Variants in NDUFS4 observed in about 807,000 individuals in gnomAD.
NDUFS4 encodes the protein NADH dehydrogenase [ubiquinone] iron-sulfur protein 4, mitochondrial.
In NDUFS4, 28 loss-of-function variants were observed where a neutral mutation model predicts 24.3. The ratio of observed to expected loss-of-function variants is 1.15; its 90% CI spans 0.85 to 1.58. The LOEUF (loss-of-function observed/expected upper bound fraction) is 1.58, where lower values mean the gene tolerates loss of function less well. NDUFS4 is among the 40% of genes most tolerant of loss of function. The probability of loss-of-function intolerance (pLI) is 0.00; values close to 1 mark genes in which losing one functional copy is unlikely to be tolerated. For synonymous variants in NDUFS4, 93 were observed against 69.7 expected, an observed-to-expected ratio of 1.34 and a Z score of -1.67; for missense variants, 223 against 207.9, an observed-to-expected ratio of 1.07 and a Z score of -0.45.
At chr5:53,568,557 A>G (rs958775633) in intron 1 of NDUFS4, among the ~76,000 whole-genome samples, 1 of 152,114 alleles carries the variant, frequency 6.6e-6, no homozygotes, top group African/African-American at 2.4e-5. Context: ...TTCTTGGGGA[A>G]AGTTTCCTTA....
chr5:53,640,523 A>G (rs1579908752), intron 2 of NDUFS4, among the ~76,000 whole-genome samples: 2 of 152,140 alleles, frequency 1.3e-5, no homozygotes, highest in East Asian at 3.9e-4. Context: ...CAGAAGGTGA[A>G]GGTGAACCGA....
At chr5:53,683,082 T>G (rs1444945924) in intron 4 of NDUFS4, 36 bp from the exon 5 acceptor site, 1 of 1,365,450 alleles carries the variant, frequency 7.3e-7, no homozygotes, top group Admixed American at 1.7e-5. Flanking sequence ...TCTTTAATTC[T>G]GTTTCTGTGG....
intron 4 of NDUFS4, among the ~76,000 whole-genome samples, chr5:53,671,002 A>G (rs1211055091): frequency 1.3e-5 from 2 of 151,720 alleles, no homozygotes; most frequent in African/African-American, 4.8e-5. Context: ...GAGAGATAAT[A>G]TATATACTCC....
rs746701465 is a variant in NDUFS4 at position 53,603,450 on chromosome 5, A to G, written c.99-2A>G. On this transcript the variant is annotated splice_acceptor_variant, in intron 1 of 4. Transcript: ENST00000296684. LOFTEE classifies it high-confidence loss of function. ...TTTTTAACTTAAAGTCTTGCACTGC[A>G]GGTCGTTGAGGACTTCCACATGGAG... The G allele has an allele frequency of 6.2e-7, 1 of 1,611,844 alleles. No homozygotes were observed. Among genetic ancestry groups the G allele is most frequent in the South Asian group, 1.1e-5 (1 of 91,034 alleles).
At chr5:53,640,753 A>G (rs1751685926) in intron 2 of NDUFS4, among the ~76,000 whole-genome samples, 1 of 152,120 alleles carries the variant, frequency 6.6e-6, no homozygotes, top group African/African-American at 2.4e-5. Context: ...TCAAATTTTA[A>G]CATGAAATTT....
chr5:53,584,847 A>G (rs942253143), intron 1 of NDUFS4, among the ~76,000 whole-genome samples: 3 of 151,822 alleles, frequency 2.0e-5, no homozygotes, highest in African/African-American at 7.3e-5. Flanking sequence ...AGCTCACTGC[A>G]TCCTCTGCCT....
intron 4 of NDUFS4, among the ~76,000 whole-genome samples, chr5:53,672,502 G>C (rs2111578450): frequency 6.6e-6 from 1 of 152,212 alleles, no homozygotes; most frequent in Middle Eastern, 3.4e-3. Flanking sequence ...AACCTAAAAA[G>C]AGTTGCCAAG....
At chr5:53,647,836 T>A (rs1175765233) in intron 3 of NDUFS4, among the ~76,000 whole-genome samples, 1 of 152,212 alleles carries the variant, frequency 6.6e-6, no homozygotes, top group Non-Finnish European at 1.5e-5. Flanking sequence ...AGACTTTTTT[T>A]AGAAAACATC....
intron 2 of NDUFS4, among the ~76,000 whole-genome samples, chr5:53,614,932 A>G (rs2112470851): frequency 6.6e-6 from 1 of 152,040 alleles, no homozygotes; most frequent in African/African-American, 2.4e-5. Flanking sequence ...TATATCTGAA[A>G]ATACATTATT....
chr5:53,596,392 C>T (rs1455234096), intron 1 of NDUFS4, among the ~76,000 whole-genome samples: 1 of 152,132 alleles, frequency 6.6e-6, no homozygotes, highest in Non-Finnish European at 1.5e-5. Context: ...ATGATTGTGC[C>T]ACTGTACTCC....
intron 1 of NDUFS4, among the ~76,000 whole-genome samples, chr5:53,562,292 C>T (rs1017088023): frequency 6.6e-6 from 1 of 151,960 alleles, no homozygotes; most frequent in Non-Finnish European, 1.5e-5. Flanking sequence ...CAAGATTAGC[C>T]CTTCCTCCCG....
At chr5:53,561,127 A>G (rs1748829437) in intron 1 of NDUFS4, among the ~76,000 whole-genome samples, 1 of 151,564 alleles carries the variant, frequency 6.6e-6, no homozygotes, top group Non-Finnish European at 1.5e-5. Context: ...TCCATTTGTC[A>G]CCTGTTTGCC....
rs1235979489 is a variant in NDUFS4 at position 53,560,649 on chromosome 5, T to G, written c.-14T>G. The G allele has an allele frequency of 6.2e-7, 1 of 1,614,264 alleles. No homozygotes were observed. The highest frequency in any genetic ancestry group is 2.2e-5 in the East Asian group (1 of 44,884). On this transcript the variant is annotated 5_prime_UTR_variant, in exon 1 of 5. Coordinates refer to ENST00000296684, the MANE Select transcript of NDUFS4 (RefSeq NM_002495.4). ...GTGATCCGTCCTTTCATCCTGGCGT[T>G]TGCCTGCAGCAAGATGGCGGCGGTG...
chr5:53,643,891 C>G (rs1751770530), intron 2 of NDUFS4, among the ~76,000 whole-genome samples: 1 of 152,066 alleles, frequency 6.6e-6, no homozygotes, highest in Admixed American at 6.6e-5. Flanking sequence ...CCCACTTGTT[C>G]AAATGCCAAC....
chr5:53,639,165 T>G (rs1451650402), intron 2 of NDUFS4, among the ~76,000 whole-genome samples: 1 of 151,980 alleles, frequency 6.6e-6, no homozygotes, highest in Non-Finnish European at 1.5e-5. Flanking sequence ...ATTGCATTTT[T>G]TTTGTATAAA....
At chr5:53,623,217 C>G (rs1308796810) in intron 2 of NDUFS4, among the ~76,000 whole-genome samples, 1 of 152,176 alleles carries the variant, frequency 6.6e-6, no homozygotes, top group Non-Finnish European at 1.5e-5. Context: ...TTGGCTGCAC[C>G]ATTTTACATT....
chr5:53,647,289 T>A, intron 3 of NDUFS4, among the ~76,000 whole-genome samples: 1 of 152,244 alleles, frequency 6.6e-6, no homozygotes, highest in East Asian at 1.9e-4. Flanking sequence ...CCTAGCTCAC[T>A]GCAGCCCTGA....
chr5:53,568,190 C>A (rs767545896), intron 1 of NDUFS4, among the ~76,000 whole-genome samples: 1 of 152,088 alleles, frequency 6.6e-6, no homozygotes, highest in South Asian at 2.1e-4. Context: ...TGTCTGTACT[C>A]ACTAGACTTA....
rs190009495 is a variant in NDUFS4, at chr5:53,622,813, T to C, written c.177+19283T>C. ...TAACCACATTCATAATGTTAAGTAA[T>C]CATCACCACTATTTCCGGAGCTTTT... On this transcript the variant is annotated intron_variant, in intron 2 of 4. Transcript: ENST00000296684. 3.5e-3 allele frequency among the ~76,000 whole-genome samples: 536 copies of C among 152,318 alleles called. 1 individual carries two copies. Among genetic ancestry groups the C allele is most frequent in the Middle Eastern group, 0.017 (5 of 294 alleles).
Sources: gnomAD v4.1 joint callset for allele counts (sites outside exome capture counted in the v4.1 genomes callset) on GRCh38, gnomAD v4.1.1 for gene constraint, MANE v1.5 for transcripts, NCBI Gene and HGNC (gene_info 2026-07-23, HGNC 2026-07-21) for gene names.